ADK: variants seen among roughly 807,000 people sequenced by gnomAD.
ADK encodes N6,N6-dimethyladenosine kinase.
A neutral mutation model predicts 44.7 loss-of-function variants in ADK; 24 were observed. The observed-to-expected ratio is 0.54, with a 90% confidence interval of 0.39 to 0.76. The LOEUF is 0.76. Ranked by LOEUF, ADK falls within the 30% of genes least tolerant of loss-of-function variation. The pLI, the probability that ADK is intolerant of heterozygous loss-of-function variation, is 0.00. For synonymous variants in ADK, 128 were observed against 142.6 expected (o/e 0.90, Z 0.73); for missense variants, 321 against 425.1 (o/e 0.76, Z 2.15).
chr10:74,325,088 A>T (rs529741210), intron 4 of ADK, among the ~76,000 whole-genome samples: 1 of 152,110 alleles, frequency 6.6e-6, no homozygotes, highest in African/African-American at 2.4e-5. Flanking sequence ...TTTGGATAGT[A>T]TGGGCATTTT....
chr10:74,673,647 A>G (rs1855265595), intron 10 of ADK, among the ~76,000 whole-genome samples: 1 of 152,222 alleles, frequency 6.6e-6, no homozygotes. Context: ...CAGCTTAAGC[A>G]TTAACAGCTC....
chr10:74,201,724 CTATCTATA>C (rs1366924219), intron 2 of ADK, among the ~76,000 whole-genome samples: 1,598 of 126,828 alleles, frequency 0.013, 31 homozygotes, highest in African/African-American at 0.042. Flanking sequence ...ATCTATCTAT[CTATCTATA>C]TATGGTTCAG....
chr10:74,288,604 C>T (rs749383682), intron 3 of ADK, among the ~76,000 whole-genome samples: 1 of 151,520 alleles, frequency 6.6e-6, no homozygotes, highest in South Asian at 2.1e-4. Context: ...GAGCCGAGAT[C>T]ACACCACTGC....
chr10:74,366,999 C>A (rs1842518318), intron 4 of ADK, among the ~76,000 whole-genome samples: 1 of 152,200 alleles, frequency 6.6e-6, no homozygotes, highest in Non-Finnish European at 1.5e-5. Flanking sequence ...TTCATTCCCA[C>A]AAATTGGAGC....
At chr10:74,365,854 A>G (rs940698443) in intron 4 of ADK, among the ~76,000 whole-genome samples, 3 of 152,204 alleles carry the variant, frequency 2.0e-5, no homozygotes, top group African/African-American at 7.2e-5. Flanking sequence ...GTTTGTGTAC[A>G]TCCTCACTAA....
At chr10:74,639,973 A>T (rs1044672639) in intron 9 of ADK, among the ~76,000 whole-genome samples, 2 of 152,262 alleles carry the variant, frequency 1.3e-5, no homozygotes, top group Non-Finnish European at 1.5e-5. Context: ...TTTAAAAAAC[A>T]TATCAGTTGT....
At chr10:74,559,245 G>T (rs112334115) in intron 7 of ADK, among the ~76,000 whole-genome samples, 4 of 152,230 alleles carry the variant, frequency 2.6e-5, no homozygotes, top group Non-Finnish European at 5.9e-5. Flanking sequence ...CAGACTACAC[G>T]CAACCTGGGT....
intron 4 of ADK, among the ~76,000 whole-genome samples, chr10:74,328,586 G>C (rs1196952813): frequency 6.6e-6 from 1 of 152,118 alleles, no homozygotes; most frequent in Non-Finnish European, 1.5e-5. Context: ...GATCATGGGG[G>C]TGGTTTCCCC....
At chr10:74,232,574 CAG>C (rs889060594) in intron 3 of ADK, among the ~76,000 whole-genome samples, 6 of 88,338 alleles carry the variant, frequency 6.8e-5, no homozygotes, top group Non-Finnish European at 1.0e-4. Flanking sequence ...AAAAAACAAA[CAG>C]AAAATAATTA....
intron 4 of ADK, among the ~76,000 whole-genome samples, chr10:74,319,568 C>T (rs1840741467): frequency 6.6e-6 from 1 of 152,152 alleles, no homozygotes; most frequent in African/African-American, 2.4e-5. Context: ...TTGTGAGATA[C>T]TGGGGTTTAG....
intron 7 of ADK, among the ~76,000 whole-genome samples, chr10:74,552,295 AT>A (rs970144983): frequency 5.3e-5 from 8 of 152,302 alleles, no homozygotes; most frequent in African/African-American, 1.9e-4. Context: ...CAAAAAAAAA[AT>A]GTTTTCATAA....
Position 74,170,177 on chromosome 10 carries a change from C to T in ADK, c.65+18834C>T, listed in dbSNP as rs533520347. Among the ~76,000 whole-genome samples, 687 of 152,194 alleles carry T rather than the reference C, an allele frequency of 4.5e-3. 6 individuals are homozygous for T. The highest frequency in any genetic ancestry group is 7.1e-3 in the Non-Finnish European group (480 of 68,010). The stretch of plus-strand genomic sequence containing the variant: ...TTAAGTAACATGCAGGGAAAACATT[C>T]CACATTCATGTTATGACAGCTGGGC... On this transcript the variant is annotated intron_variant, in intron 1 of 10. Transcript: ENST00000539909.
chr10:74,446,289 C>T (rs934039096), intron 6 of ADK, among the ~76,000 whole-genome samples: 10 of 152,062 alleles, frequency 6.6e-5, no homozygotes, highest in African/African-American at 2.2e-4. Flanking sequence ...TCCCCCTCTC[C>T]ACCTTAATAC....
intron 9 of ADK, among the ~76,000 whole-genome samples, chr10:74,648,320 G>A (rs1244658107): frequency 6.6e-6 from 1 of 152,038 alleles, no homozygotes; most frequent in Non-Finnish European, 1.5e-5. Context: ...CTCCTGTAAA[G>A]GTATCTATAT....
chr10:74,666,881 A>G (rs1194659593), intron 9 of ADK, among the ~76,000 whole-genome samples: 1 of 147,206 alleles, frequency 6.8e-6, no homozygotes, highest in East Asian at 1.9e-4. Flanking sequence ...CCCAGGCTGA[A>G]GTGCAGTGAC....
chr10:74,589,263 T>G lies in ADK; in HGVS notation c.727-19T>G. The G allele has an allele frequency of 2.2e-6, 1 of 458,226 alleles. No individual in the cohort carries two copies. The highest frequency in any genetic ancestry group is 4.1e-5 in the Admixed American group (1 of 24,570). 28.4% of individuals were successfully genotyped at this position (458,226 alleles called of 1,614,324 possible). A position where few individuals can be genotyped will look rare whatever the true frequency, so the allele number is the denominator to read the frequency against. On this transcript the variant is annotated intron_variant, in intron 7 of 10. Transcript: ENST00000539909. ...CCGAGCACTTTATAATTAACTGTTC[T>G]TTTTTTTTTTTATTTCAGGAAGCTG...
chr10:74,270,783 T>G (rs2132407418), intron 3 of ADK, among the ~76,000 whole-genome samples: 1 of 152,338 alleles, frequency 6.6e-6, no homozygotes, highest in South Asian at 2.1e-4. Context: ...ATTTAAAGGC[T>G]AAAACATTAT....
intron 3 of ADK, among the ~76,000 whole-genome samples, chr10:74,278,597 A>T (rs1333179123): frequency 6.6e-6 from 1 of 152,192 alleles, no homozygotes; most frequent in African/African-American, 2.4e-5. Context: ...TAACAATTAC[A>T]TGTAGTTAAA....
At chr10:74,271,850 G>C (rs1846444347) in intron 3 of ADK, among the ~76,000 whole-genome samples, 1 of 151,782 alleles carries the variant, frequency 6.6e-6, no homozygotes, top group African/African-American at 2.4e-5. Flanking sequence ...TATTTGATAT[G>C]ACAAAGCTGC....
Sources: allele counts gnomAD v4.1 joint callset (sites outside exome capture counted in the v4.1 genomes callset), GRCh38; gene constraint gnomAD v4.1.1; transcripts MANE v1.5; gene names NCBI Gene and HGNC (gene_info 2026-07-23, HGNC 2026-07-21).